The following APBA1 variants were observed in gnomAD, a reference collection of about 807,000 sequenced individuals.
APBA1 encodes the protein amyloid beta precursor protein binding family A member 1.
Under a neutral mutation model 86.6 loss-of-function variants are expected in APBA1, and 55 were observed. That is an observed-to-expected ratio of 0.64 (90% CI 0.51 to 0.80). APBA1 has a LOEUF of 0.80. Among genes scored for constraint, APBA1 ranks in the 30% least tolerant of loss-of-function variants. The pLI, the probability that APBA1 is intolerant of heterozygous loss-of-function variation, is 0.00. For missense variants in APBA1, 1,090 were observed against 1,183.0 expected, an observed-to-expected ratio of 0.92 and a Z score of 1.15; for synonymous variants, 511 against 493.9, an observed-to-expected ratio of 1.03 and a Z score of -0.46.
intron 6 of APBA1, 147 bp downstream of exon 6, chr9:69,458,009 G>T: frequency 4.0e-6 from 3 of 751,018 alleles, no homozygotes; most frequent in Non-Finnish European, 6.2e-6. Flanking sequence ...TTTGAGAAAC[G>T]CTGGCTTATG....
At chr9:69,511,331 A>G (rs1836035538) in intron 2 of APBA1, among the ~76,000 whole-genome samples, 1 of 152,238 alleles carries the variant, frequency 6.6e-6, no homozygotes, top group Admixed American at 6.5e-5. Flanking sequence ...AATGCTCATC[A>G]TCACTGGCCA....
chr9:69,538,510 G>A (rs1352897699), intron 1 of APBA1, among the ~76,000 whole-genome samples: 2 of 152,178 alleles, frequency 1.3e-5, no homozygotes, highest in Non-Finnish European at 2.9e-5. Flanking sequence ...GAGAACTCAA[G>A]TGGCTATTCC....
At chr9:69,487,262 CCATT>C (rs1367393061) in intron 2 of APBA1, among the ~76,000 whole-genome samples, 1 of 151,992 alleles carries the variant, frequency 6.6e-6, no homozygotes, top group Non-Finnish European at 1.5e-5. Context: ...TCTATGTGGG[CCATT>C]CATTCAATAC....
chr9:69,602,312 C>T (rs1035486643), intron 1 of APBA1, among the ~76,000 whole-genome samples: 9 of 152,152 alleles, frequency 5.9e-5, no homozygotes, highest in Non-Finnish European at 8.8e-5. Context: ...TTGCTCAAGC[C>T]TGTAATCCCA....
At chr9:69,457,733 G>A (rs750874249) in intron 6 of APBA1, among the ~76,000 whole-genome samples, 12 of 152,132 alleles carry the variant, frequency 7.9e-5, no homozygotes, top group African/African-American at 2.7e-4. Context: ...ACCAAAAAGC[G>A]CAGTCTGGTT....
chr9:69,570,684 T>C (rs1837101176), intron 1 of APBA1, among the ~76,000 whole-genome samples: 2 of 152,330 alleles, frequency 1.3e-5, no homozygotes, highest in South Asian at 4.2e-4. Flanking sequence ...CCTTTGTCTT[T>C]TTTTTGTTAC....
intron 2 of APBA1, among the ~76,000 whole-genome samples, chr9:69,513,831 A>G (rs1186652529): frequency 1.3e-5 from 2 of 152,250 alleles, no homozygotes; most frequent in African/African-American, 4.8e-5. Context: ...TAAAATGAAC[A>G]AATACCTTAC....
intron 1 of APBA1, among the ~76,000 whole-genome samples, chr9:69,620,847 C>T (rs969928130): frequency 1.3e-5 from 2 of 152,216 alleles, no homozygotes; most frequent in Non-Finnish European, 2.9e-5. Flanking sequence ...TGTGCAGGCT[C>T]GGGCTGGTGC....
intron 1 of APBA1, among the ~76,000 whole-genome samples, chr9:69,573,412 T>C (rs1379063649): frequency 6.6e-6 from 1 of 152,166 alleles, no homozygotes; most frequent in Non-Finnish European, 1.5e-5. Flanking sequence ...CAATGAGCCA[T>C]GATTGTGCTA....
At chr9:69,491,504 AATG>A (rs1330285652) in intron 2 of APBA1, among the ~76,000 whole-genome samples, 1 of 151,936 alleles carries the variant, frequency 6.6e-6, no homozygotes, top group Non-Finnish European at 1.5e-5. Context: ...ACCTAATGTA[AATG>A]ATGAGTTAAT....
chr9:69,640,015 G>A (rs1190135227), intron 1 of APBA1, among the ~76,000 whole-genome samples: 1 of 152,048 alleles, frequency 6.6e-6, no homozygotes, highest in African/African-American at 2.4e-5. Context: ...GCAAAACCCA[G>A]ACTAAACTTT....
intron 1 of APBA1, among the ~76,000 whole-genome samples, chr9:69,622,423 G>A (rs1487186275): frequency 6.6e-6 from 1 of 152,170 alleles, no homozygotes; most frequent in Admixed American, 6.5e-5. Context: ...TAGGTTTCAT[G>A]GGTTCTTCCA....
intron 1 of APBA1, among the ~76,000 whole-genome samples, chr9:69,546,422 A>T (rs1261321352): frequency 6.6e-6 from 1 of 152,142 alleles, no homozygotes; most frequent in Non-Finnish European, 1.5e-5. Flanking sequence ...AGCTGCCATG[A>T]TTTAATTAGG....
At chr9:69,469,591 C>T (rs1588303250) in intron 4 of APBA1, among the ~76,000 whole-genome samples, 1 of 152,174 alleles carries the variant, frequency 6.6e-6, no homozygotes, top group Non-Finnish European at 1.5e-5. Flanking sequence ...GCCTCCACTC[C>T]ACACCAGTAA....
intron 2 of APBA1, among the ~76,000 whole-genome samples, 157 bp from the exon 3 acceptor site, chr9:69,476,300 A>G (rs1249641929): frequency 1.3e-5 from 2 of 152,210 alleles, no homozygotes; most frequent in African/African-American, 2.4e-5. Context: ...CCAACTGTAC[A>G]TAAAACACTT....
At chr9:69,504,804 T>C (rs1228945392) in intron 2 of APBA1, among the ~76,000 whole-genome samples, 2 of 152,062 alleles carry the variant, frequency 1.3e-5, no homozygotes, top group East Asian at 3.9e-4. Flanking sequence ...CCAGTTTCAG[T>C]GCTCCTCTGG....
chr9:69,520,401 A>G (rs991554004), intron 1 of APBA1, among the ~76,000 whole-genome samples: 3 of 152,228 alleles, frequency 2.0e-5, no homozygotes, highest in Non-Finnish European at 4.4e-5. Context: ...CTTTTGCCCC[A>G]GTAATTCTAC....
Position 69,563,944 on chromosome 9 carries a change from AT to A in APBA1, c.-69-46666del, listed in dbSNP as rs139992864. Among the ~76,000 whole-genome samples, 1,127 of 152,276 alleles carry A rather than the reference AT, an allele frequency of 7.4e-3. 10 individuals carry two copies. The highest frequency in any genetic ancestry group is 0.026 in the African/African-American group (1,070 of 41,564). On this transcript the variant is annotated intron_variant, in intron 1 of 12. Coordinates refer to ENST00000265381, the MANE Select transcript of APBA1 (RefSeq NM_001163.4). The stretch of plus-strand genomic sequence containing the variant: ...TCTCCTCAAGGTCAAGTCTCAGTAA[AT>A]TGTGCTTGGTGGCCTTCATTTGACA...
chr9:69,651,775 C>G (rs1271853490), intron 1 of APBA1, among the ~76,000 whole-genome samples: 1 of 152,228 alleles, frequency 6.6e-6, no homozygotes, highest in African/African-American at 2.4e-5. Flanking sequence ...CACGCCTGGT[C>G]TCTGACTGTA....
Sources: allele counts gnomAD v4.1 joint callset (sites outside exome capture counted in the v4.1 genomes callset), GRCh38; gene constraint gnomAD v4.1.1; transcripts MANE v1.5; gene names NCBI Gene and HGNC (gene_info 2026-07-23, HGNC 2026-07-21).